ZC3H12B: variants seen among roughly 807,000 people sequenced by gnomAD.
ZC3H12B encodes the protein zinc finger CCCH-type containing 12B, also known as probable ribonuclease ZC3H12B.
ZC3H12B carries 7 observed loss-of-function variants against 43.9 expected under a neutral mutation model. The ratio of observed to expected loss-of-function variants is 0.16; its 90% CI spans 0.09 to 0.30. ZC3H12B has a LOEUF of 0.30. Among genes scored for constraint, ZC3H12B ranks in the 10% least tolerant of loss-of-function variants. The pLI is 1.00. For synonymous variants in ZC3H12B, 222 were observed against 241.7 expected (o/e 0.92, Z 0.76); for missense variants, 475 against 670.2 (o/e 0.71, Z 3.22).
At chrX:65,048,627 G>A in the ZC3H12B span, among the ~76,000 whole-genome samples, 1 of 111,005 alleles carries the variant, frequency 9.0e-6, no homozygotes. Flanking sequence ...ATATAATGAT[G>A]TTATGAGGTA....
the ZC3H12B span, among the ~76,000 whole-genome samples, chrX:65,066,470 G>A: frequency 4.5e-5 from 5 of 111,736 alleles, no homozygotes; most frequent in African/African-American, 9.8e-5. Context: ...CACCATCGAG[G>A]CTGTAGAACA....
intron 3 of ZC3H12B, among the ~76,000 whole-genome samples, chrX:65,436,169 C>T (rs1375015200): frequency 1.8e-5 from 2 of 111,253 alleles, no homozygotes; most frequent in South Asian, 3.7e-4. Context: ...AAGTACCACA[C>T]AGTTTTCAAA....
chrX:65,303,344 G>C, the ZC3H12B span, among the ~76,000 whole-genome samples: 1 of 111,097 alleles, frequency 9.0e-6, no homozygotes, highest in African/African-American at 3.3e-5. Context: ...ACCTGCATGT[G>C]TACCGCCGAA....
At chrX:65,206,045 A>G in the ZC3H12B span, among the ~76,000 whole-genome samples, 1 of 112,339 alleles carries the variant, frequency 8.9e-6, no homozygotes, top group Non-Finnish European at 1.9e-5. Flanking sequence ...CACCATGCTC[A>G]TGGATGGCTA....
At chrX:65,202,606 G>C in the ZC3H12B span, among the ~76,000 whole-genome samples, 7 of 110,931 alleles carry the variant, frequency 6.3e-5, no homozygotes, top group African/African-American at 2.3e-4. Flanking sequence ...TGGAGTCTAC[G>C]TCTTTGTTCT....
At chrX:65,188,693 G>C in the ZC3H12B span, among the ~76,000 whole-genome samples, 1 of 109,710 alleles carries the variant, frequency 9.1e-6, no homozygotes, top group Non-Finnish European at 1.9e-5. Flanking sequence ...TTATTTCTTG[G>C]TTTCTTTTTT....
the ZC3H12B span, among the ~76,000 whole-genome samples, chrX:65,323,301 GT>G: frequency 8.9e-6 from 1 of 111,737 alleles, no homozygotes; most frequent in Non-Finnish European, 1.9e-5. Flanking sequence ...TTATTATTGT[GT>G]TGAGTGATGG....
the ZC3H12B span, among the ~76,000 whole-genome samples, chrX:65,116,786 A>G: frequency 9.1e-6 from 1 of 109,946 alleles, no homozygotes. Context: ...TCATTGTTCA[A>G]TTCCAACCTA....
At chrX:65,378,881 A>C (rs1287788979) in intron 2 of ZC3H12B, among the ~76,000 whole-genome samples, 1 of 112,495 alleles carries the variant, frequency 8.9e-6, no homozygotes. Flanking sequence ...CTCCCACCCT[A>C]ATACTGCGCT....
chrX:65,102,318 C>A, the ZC3H12B span, among the ~76,000 whole-genome samples: 1 of 111,705 alleles, frequency 9.0e-6, no homozygotes, highest in Admixed American at 9.5e-5. Context: ...CCTTTGAAAA[C>A]CGGCACAAGA....
chrX:65,153,410 G>T, the ZC3H12B span, among the ~76,000 whole-genome samples: 2 of 112,086 alleles, frequency 1.8e-5, no homozygotes, highest in Admixed American at 9.5e-5. Context: ...CCATCAAAAA[G>T]TGGGCGAAAG....
At chrX:65,184,930 A>G in the ZC3H12B span, 1 of 111,722 alleles carries the variant, frequency 9.0e-6, no homozygotes, top group Non-Finnish European at 1.9e-5. Context: ...TTTCATACAT[A>G]TATGCATTGT....
At chrX:65,148,662 C>T in the ZC3H12B span, among the ~76,000 whole-genome samples, 2 of 111,399 alleles carry the variant, frequency 1.8e-5, no homozygotes, top group African/African-American at 6.5e-5. Context: ...GGCATCTCTC[C>T]CTGTGCGCTA....
the ZC3H12B span, among the ~76,000 whole-genome samples, chrX:65,343,455 A>G: frequency 5.4e-5 from 6 of 111,842 alleles, no homozygotes; most frequent in Non-Finnish European, 1.1e-4. Context: ...TGAATCTAGC[A>G]GGACATCAAA....
chrX:65,377,349 A>T (rs1010585963), intron 2 of ZC3H12B, among the ~76,000 whole-genome samples: 1 of 110,714 alleles, frequency 9.0e-6, no homozygotes, highest in African/African-American at 3.3e-5. Context: ...TAGAGAGATT[A>T]TTTAAAAGAA....
At chrX:65,139,978 G>GTT in the ZC3H12B span, among the ~76,000 whole-genome samples, 1 of 106,496 alleles carries the variant, frequency 9.4e-6, no homozygotes. Context: ...AGTTCTAAAA[G>GTT]TTTTTTTTTT....
chrX:65,355,223 T>G, the ZC3H12B span, among the ~76,000 whole-genome samples: 1 of 111,291 alleles, frequency 9.0e-6, no homozygotes, highest in African/African-American at 3.3e-5. Context: ...AAAGGTTGGG[T>G]TACCTACAAA....
At chrX:65,481,052 G>A (rs906950996) in intron 3 of ZC3H12B, among the ~76,000 whole-genome samples, 2 of 110,719 alleles carry the variant, frequency 1.8e-5, no homozygotes, top group African/African-American at 6.6e-5. Flanking sequence ...AGTTAAGTGG[G>A]TGAACTAGAG....
At chrX:65,068,702 A>C in the ZC3H12B span, among the ~76,000 whole-genome samples, 9 of 111,598 alleles carry the variant, frequency 8.1e-5, no homozygotes, top group Admixed American at 5.7e-4. Context: ...CTGTGTACTT[A>C]ATATTACCAG....
Sources: gnomAD v4.1 joint callset for allele counts (sites outside exome capture counted in the v4.1 genomes callset) on GRCh38, gnomAD v4.1.1 for gene constraint, MANE v1.5 for transcripts, NCBI Gene and HGNC (gene_info 2026-07-23, HGNC 2026-07-21) for gene names.